The following ITPR2 variants were observed in gnomAD, a reference collection of about 807,000 sequenced individuals.
The protein encoded by ITPR2 is inositol 1,4,5-trisphosphate receptor type 2.
In ITPR2, 207 loss-of-function variants were observed where a neutral mutation model predicts 317.1. That is an observed-to-expected ratio of 0.65 (90% CI 0.58 to 0.73). The LOEUF is 0.73. Ranked by LOEUF, ITPR2 falls within the 30% of genes least tolerant of loss-of-function variation. The pLI is 0.00. For missense variants in ITPR2, 2,613 were observed against 3,284.0 expected (o/e 0.80, Z 4.99); for synonymous variants, 1,156 against 1,149.1 (o/e 1.01, Z -0.12).
In ITPR2 at chr12:26,795,423, C is replaced by G. The variant is rs1180101564; in HGVS notation, c.93-5196G>C. 2.0e-5 allele frequency among the ~76,000 whole-genome samples: 3 copies of G among 152,014 alleles called. No individual in the cohort carries two copies. The East Asian group carries it at 5.8e-4, about 29-fold the overall frequency. ...CATAAAAGACCGATAAGTTTGTCTACATTAAAAGTAAGACTTCCATCCACC... is the reference window on the plus strand; with the variant it reads ...CATAAAAGACCGATAAGTTTGTCTAGATTAAAAGTAAGACTTCCATCCACC... On this transcript the variant is annotated intron_variant, in intron 1 of 56. Transcript: ENST00000381340.
Position 26,347,105 on chromosome 12 carries a change from T to C in ITPR2, c.7858-6777A>G, listed in dbSNP as rs1329347725. Among the ~76,000 whole-genome samples the C allele has an allele frequency of 2.6e-5, 4 of 152,212 alleles. No homozygotes were observed. The South Asian group carries it at 6.2e-4, about 24-fold the overall frequency. ...CAATAGCAGCAAATGTCCCTGCACC[T>C]GACTTCCACTTCTGGGCAAGTTCTT... On this transcript the variant is annotated intron_variant, in intron 55 of 56. Coordinates refer to ENST00000381340, the MANE Select transcript of ITPR2 (RefSeq NM_002223.4).
chr12:26,576,397 T>TTG (rs1414014914), intron 34 of ITPR2, among the ~76,000 whole-genome samples: 1 of 152,202 alleles, frequency 6.6e-6, no homozygotes, highest in Non-Finnish European at 1.5e-5. Flanking sequence ...TTCTTTATTT[T>TTG]TGTGTGTCCT....
At chr12:26,529,244 A>ATCAAAG (rs1197855143) in intron 37 of ITPR2, among the ~76,000 whole-genome samples, 22 of 152,304 alleles carry the variant, frequency 1.4e-4, no homozygotes, top group African/African-American at 5.3e-4. Flanking sequence ...CTCAGACAAC[A>ATCAAAG]TCAAAGTCCT....
At chr12:26,515,771 T>C (rs756146192) in intron 37 of ITPR2, among the ~76,000 whole-genome samples, 1 of 151,540 alleles carries the variant, frequency 6.6e-6, no homozygotes, top group African/African-American at 2.4e-5. Context: ...CAGTTCATAT[T>C]TGTATCCATA....
intron 37 of ITPR2, among the ~76,000 whole-genome samples, chr12:26,508,501 A>C (rs144228329): frequency 2.2e-4 from 34 of 152,302 alleles, no homozygotes; most frequent in African/African-American, 7.2e-4. Flanking sequence ...TTGATATCAT[A>C]GGCCCCTACA....
intron 47 of ITPR2, among the ~76,000 whole-genome samples, chr12:26,438,162 C>A (rs547630136): frequency 1.3e-5 from 2 of 152,190 alleles, no homozygotes; most frequent in East Asian, 1.9e-4. Flanking sequence ...ATTTTAGACA[C>A]CCAAAATTTT....
chr12:26,495,529 C>T (rs1565560711), intron 37 of ITPR2: 1 of 341,092 alleles, frequency 2.9e-6, no homozygotes, highest in Non-Finnish European at 5.4e-6. Flanking sequence ...GGTGGTTTCA[C>T]AGTGTATACT....
At position 26,631,908 on chromosome 12, in the gene ITPR2, C is replaced by G. The variant is rs199942805; in HGVS notation, c.2892G>C (p.Val964=). The change falls in exon 22 of 57, where the codon GTG becomes GTC. Residue 964 remains valine (V), a synonymous_variant. Transcript: ENST00000381340. ...KQGSPTEHED[V]TVMDTKLKII... Reference sequence around the variant, plus strand: ...TCTTCAGCTTGGTGTCCATCACAGTCACATCCTCGTGCTCGGTGGGGCTCC... The same window carrying G: ...TCTTCAGCTTGGTGTCCATCACAGTGACATCCTCGTGCTCGGTGGGGCTCC... 1 of 1,614,086 alleles carries G rather than the reference C, an allele frequency of 6.2e-7. No individual in the cohort carries two copies. Among genetic ancestry groups the G allele is most frequent in the Non-Finnish European group, 8.5e-7 (1 of 1,180,024 alleles).
Position 26,469,012 on chromosome 12 carries a change from T to A in ITPR2, c.6342+6284A>T, listed in dbSNP as rs116227473. Among the ~76,000 whole-genome samples the A allele has an allele frequency of 6.4e-3, 981 of 152,288 alleles. 11 individuals are homozygous for A. The highest frequency in any genetic ancestry group is 0.023 in the African/African-American group (952 of 41,556). On this transcript the variant is annotated intron_variant, in intron 45 of 56. Coordinates refer to ENST00000381340, the MANE Select transcript of ITPR2 (RefSeq NM_002223.4). ...TGCTTGCCTGGACTGTCTTCCTCTA[T>A]CCCTCTCTTTCAAGATTTAGTTCAA...
chr12:26,565,265 A>G (rs1311987619), intron 34 of ITPR2, among the ~76,000 whole-genome samples: 1 of 152,228 alleles, frequency 6.6e-6, no homozygotes, highest in African/African-American at 2.4e-5. Flanking sequence ...GTTAGAAACA[A>G]ATGAAAAAAG....
At chr12:26,497,745 C>G (rs1942974463) in intron 37 of ITPR2, among the ~76,000 whole-genome samples, 2 of 143,328 alleles carry the variant, frequency 1.4e-5, no homozygotes, top group South Asian at 4.4e-4. Flanking sequence ...GAGTCTCACT[C>G]TGTTGCCCAG....
chr12:26,389,296 G>C (rs1274017689), intron 54 of ITPR2, among the ~76,000 whole-genome samples: 1 of 152,118 alleles, frequency 6.6e-6, no homozygotes, highest in Non-Finnish European at 1.5e-5. Flanking sequence ...CCTACAAGTA[G>C]AGTTGCTAGA....
intron 37 of ITPR2, among the ~76,000 whole-genome samples, chr12:26,528,694 G>C (rs767089586): frequency 2.0e-5 from 3 of 152,180 alleles, no homozygotes; most frequent in Non-Finnish European, 4.4e-5. Context: ...TGCAAAGGGG[G>C]ACATGTTTCT....
At chr12:26,585,154 T>A (rs1945493254) in intron 32 of ITPR2, among the ~76,000 whole-genome samples, 2 of 152,200 alleles carry the variant, frequency 1.3e-5, no homozygotes, top group South Asian at 4.1e-4. Flanking sequence ...ATAATTCAGA[T>A]AAGACTATGA....
At chr12:26,379,357 G>T (rs1302200027) in intron 55 of ITPR2, among the ~76,000 whole-genome samples, 1 of 152,178 alleles carries the variant, frequency 6.6e-6, no homozygotes, top group Non-Finnish European at 1.5e-5. Flanking sequence ...TATATTAGTG[G>T]TAGTGTTGTT....
intron 45 of ITPR2, among the ~76,000 whole-genome samples, chr12:26,467,355 CTA>C (rs1942193365): frequency 6.6e-6 from 1 of 151,682 alleles, no homozygotes; most frequent in Non-Finnish European, 1.5e-5. Context: ...TTCTCTTTCT[CTA>C]TCTCTCTCTC....
intron 31 of ITPR2, 133 bp downstream of exon 31, chr12:26,596,750 T>G (rs886571211): frequency 1.6e-6 from 1 of 614,596 alleles, no homozygotes. Flanking sequence ...CCAAATTATA[T>G]AGTTAAATAC....
chr12:26,645,970 C>CTTTTTTTTTT (rs777192053), intron 21 of ITPR2, among the ~76,000 whole-genome samples: 5 of 119,004 alleles, frequency 4.2e-5, no homozygotes, highest in South Asian at 2.7e-4. Context: ...TCTTTCTTTC[C>CTTTTTTTTTT]TTTTTTTTTT....
intron 1 of ITPR2, among the ~76,000 whole-genome samples, chr12:26,822,814 G>T (rs570771165): frequency 2.0e-5 from 3 of 152,104 alleles, no homozygotes; most frequent in Non-Finnish European, 4.4e-5. Context: ...TATTCTCAGA[G>T]GATATGAACC....
Sources: gnomAD v4.1 joint callset for allele counts (sites outside exome capture counted in the v4.1 genomes callset) on GRCh38, gnomAD v4.1.1 for gene constraint, MANE v1.5 for transcripts, NCBI Gene and HGNC (gene_info 2026-07-23, HGNC 2026-07-21) for gene names.